CSMD1: variants seen among roughly 807,000 people sequenced by gnomAD.
CSMD1 encodes CUB and Sushi multiple domains 1.
In CSMD1, 213 loss-of-function variants were observed where a neutral mutation model predicts 417.5. The observed-to-expected ratio is 0.51, with a 90% CI of 0.46 to 0.57. CSMD1 has a LOEUF of 0.57. Ranked by LOEUF, CSMD1 falls within the 20% of genes least tolerant of loss-of-function variation. CSMD1 has a pLI of 0.00. For synonymous variants in CSMD1, 2,862 were observed against 1,736.8 expected, an observed-to-expected ratio of 1.65 and a Z score of -16.11; for missense variants, 6,923 against 4,529.7, an observed-to-expected ratio of 1.53 and a Z score of -15.17.
chr8:4,860,127 T>G (rs1009142069), intron 1 of CSMD1, among the ~76,000 whole-genome samples: 3 of 151,224 alleles, frequency 2.0e-5, no homozygotes, highest in African/African-American at 4.9e-5. Context: ...TGGATGAAAT[T>G]GGAAATCATC....
At chr8:4,173,890 A>C (rs1797898407) in intron 3 of CSMD1, among the ~76,000 whole-genome samples, 1 of 152,120 alleles carries the variant, frequency 6.6e-6, no homozygotes, top group South Asian at 2.1e-4. Context: ...TGGCAGCTGA[A>C]GTTCTGGGCT....
chr8:4,335,695 A>C (rs1800124501), intron 3 of CSMD1, among the ~76,000 whole-genome samples: 1 of 152,140 alleles, frequency 6.6e-6, no homozygotes. Context: ...TTGTTACAGA[A>C]TATAGTGTTT....
intron 1 of CSMD1, among the ~76,000 whole-genome samples, chr8:4,977,292 A>T (rs1360463665): frequency 6.6e-6 from 1 of 152,192 alleles, no homozygotes; most frequent in East Asian, 1.9e-4. Context: ...ATTCTTCCTG[A>T]AATAAGGCAA....
At chr8:3,722,797 G>T (rs941981980) in intron 6 of CSMD1, among the ~76,000 whole-genome samples, 2 of 152,220 alleles carry the variant, frequency 1.3e-5, no homozygotes, top group Admixed American at 6.5e-5. Flanking sequence ...CTTCTGCTGT[G>T]TAACAAGGAA....
At chr8:4,749,582 T>C (rs1368374956) in intron 1 of CSMD1, among the ~76,000 whole-genome samples, 6 of 152,252 alleles carry the variant, frequency 3.9e-5, no homozygotes, top group Non-Finnish European at 8.8e-5. Flanking sequence ...AAAATGTCAA[T>C]GATCTTGTAC....
At chr8:4,010,932 A>T (rs1391325202) in intron 4 of CSMD1, among the ~76,000 whole-genome samples, 1 of 152,118 alleles carries the variant, frequency 6.6e-6, no homozygotes, top group Non-Finnish European at 1.5e-5. Flanking sequence ...ATAATCCTAC[A>T]TTGGCCCATA....
At chr8:3,859,550 T>G (rs1409385748) in intron 5 of CSMD1, among the ~76,000 whole-genome samples, 1 of 152,184 alleles carries the variant, frequency 6.6e-6, no homozygotes, top group Non-Finnish European at 1.5e-5. Flanking sequence ...CGAGGCTAAC[T>G]ACATCTAACA....
At chr8:3,559,128 T>C (rs550909336) in intron 10 of CSMD1, among the ~76,000 whole-genome samples, 4 of 152,254 alleles carry the variant, frequency 2.6e-5, no homozygotes, top group Non-Finnish European at 4.4e-5. Context: ...GCTGTTGAAA[T>C]ACAGGTGTGT....
chr8:4,148,959 A>G (rs1350672954), intron 3 of CSMD1, among the ~76,000 whole-genome samples: 3 of 116,500 alleles, frequency 2.6e-5, no homozygotes, highest in Admixed American at 1.0e-4. Context: ...TAAACATTTC[A>G]TATTAACTTT....
At chr8:4,028,775 TC>T (rs760276821) in intron 4 of CSMD1, among the ~76,000 whole-genome samples, 15 of 152,234 alleles carry the variant, frequency 9.9e-5, no homozygotes, top group Admixed American at 2.0e-4. Context: ...AATGGTATAA[TC>T]CAAGTGAAGT....
intron 3 of CSMD1, among the ~76,000 whole-genome samples, chr8:4,288,654 C>G (rs1212500935): frequency 6.6e-6 from 1 of 152,244 alleles, no homozygotes. Context: ...GCCGCCCTCC[C>G]CAATAAAATT....
At chr8:3,171,009 G>C (rs1178923461) in intron 37 of CSMD1, among the ~76,000 whole-genome samples, 4 of 152,188 alleles carry the variant, frequency 2.6e-5, no homozygotes, top group Non-Finnish European at 5.9e-5. Flanking sequence ...TCTGCTCAAA[G>C]TGACATTTTG....
At chr8:4,907,728 T>TC (rs1015195723) in intron 1 of CSMD1, among the ~76,000 whole-genome samples, 12 of 85,234 alleles carry the variant, frequency 1.4e-4, no homozygotes, top group Non-Finnish European at 2.9e-4. Flanking sequence ...CCGGCAATTT[T>TC]TTTTTTTTTT....
chr8:3,777,121 T>TAC (rs3028584), intron 5 of CSMD1, among the ~76,000 whole-genome samples: 4,039 of 146,484 alleles, frequency 0.028, 61 homozygotes, highest in Non-Finnish European at 0.038. Flanking sequence ...TATCTATACC[T>TAC]ACACACACAC....
intron 46 of CSMD1, among the ~76,000 whole-genome samples, 153 bp downstream of exon 46, chr8:3,106,375 G>A (rs148360820): frequency 6.6e-6 from 1 of 152,146 alleles, no homozygotes; most frequent in African/African-American, 2.4e-5. Context: ...TCCCACCTGG[G>A]TGACAGAGTA....
intron 3 of CSMD1, among the ~76,000 whole-genome samples, chr8:4,202,805 A>C (rs1033725058): frequency 6.6e-6 from 1 of 152,220 alleles, no homozygotes; most frequent in Non-Finnish European, 1.5e-5. Flanking sequence ...CAAACGTCAG[A>C]AAATACCTAG....
chr8:3,462,951 C>A (rs1302342327), intron 12 of CSMD1, among the ~76,000 whole-genome samples: 1 of 152,172 alleles, frequency 6.6e-6, no homozygotes. Context: ...GATTAGTGCC[C>A]TTGTGAAGGA....
chr8:3,481,439 T>C (rs900985401), intron 11 of CSMD1, among the ~76,000 whole-genome samples: 4 of 152,152 alleles, frequency 2.6e-5, no homozygotes, highest in African/African-American at 9.7e-5. Context: ...GGGCCCTAAA[T>C]GCAAGTGCAG....
Position 3,949,682 on chromosome 8 carries a change from G to T in CSMD1, c.818+48221C>A, listed in dbSNP as rs144315483. 5.3e-5 allele frequency among the ~76,000 whole-genome samples: 8 copies of T among 152,166 alleles called. No individual in the cohort carries two copies. In the East Asian group the frequency reaches 1.4e-3, roughly 26 times the overall value. Reference sequence around the variant, plus strand: ...AGGATGAGAGAAAGGAGGAGGAGAAGGAGGAATATTATAAGGGCACATTTC... The same window carrying T: ...AGGATGAGAGAAAGGAGGAGGAGAATGAGGAATATTATAAGGGCACATTTC... On this transcript the variant is annotated intron_variant, in intron 5 of 69. Coordinates refer to ENST00000635120, the MANE Select transcript of CSMD1 (RefSeq NM_033225.6).
Sources: gnomAD v4.1 joint callset for allele counts (sites outside exome capture counted in the v4.1 genomes callset) on GRCh38, gnomAD v4.1.1 for gene constraint, MANE v1.5 for transcripts, NCBI Gene and HGNC (gene_info 2026-07-23, HGNC 2026-07-21) for gene names.